RAPGEF4: variants seen among roughly 807,000 people sequenced by gnomAD.
RAPGEF4 encodes Rap guanine nucleotide exchange factor 4.
RAPGEF4 carries 66 observed loss-of-function variants against 147.9 expected under a neutral mutation model. That is an observed-to-expected ratio of 0.45 (90% CI 0.37 to 0.55). RAPGEF4 has a LOEUF of 0.55. Ranked by LOEUF, RAPGEF4 falls within the 20% of genes least tolerant of loss-of-function variation. RAPGEF4 has a pLI of 0.00. For missense variants in RAPGEF4, 1,071 were observed against 1,257.3 expected (o/e 0.85, Z 2.24); for synonymous variants, 419 against 442.7 (o/e 0.95, Z 0.67).
intron 10 of RAPGEF4, among the ~76,000 whole-genome samples, chr2:172,979,249 A>G (rs1331471383): frequency 6.6e-6 from 1 of 152,176 alleles, no homozygotes; most frequent in Non-Finnish European, 1.5e-5. Context: ...GAAGGACAAC[A>G]GAGAATAAGG....
At position 173,051,843 on chromosome 2, in the gene RAPGEF4, C is replaced by T; in HGVS notation, c.*76C>T. 1 of 1,529,270 alleles carries T rather than the reference C, an allele frequency of 6.5e-7. No individual in the cohort carries two copies. The highest frequency in any genetic ancestry group is 9.0e-7 in the Non-Finnish European group (1 of 1,113,654). 94.7% of individuals were successfully genotyped at this position (1,529,270 alleles called of 1,614,324 possible). A position where few individuals can be genotyped will look rare whatever the true frequency, so the allele number is the denominator to read the frequency against. On this transcript the variant is annotated 3_prime_UTR_variant, in exon 31 of 31. Coordinates refer to ENST00000397081, the MANE Select transcript of RAPGEF4 (RefSeq NM_007023.4). ...AAAATGCCATTTATGCTACTACTGA[C>T]TGTATTGCCACTAGAGAATTCTACA...
At chr2:172,917,756 A>C in intron 4 of RAPGEF4, 46 bp from the exon 5 acceptor site, 2 of 1,509,490 alleles carry the variant, frequency 1.3e-6, no homozygotes, top group Non-Finnish European at 1.8e-6. Flanking sequence ...TGAATGCTCA[A>C]AGCAAGTAAA....
chr2:172,821,356 A>G (rs1242628595), intron 4 of RAPGEF4, among the ~76,000 whole-genome samples: 1 of 152,232 alleles, frequency 6.6e-6, no homozygotes, highest in Non-Finnish European at 1.5e-5. Context: ...AGGAGCAACC[A>G]GAGCCTCCAA....
At chr2:172,880,727 A>G (rs1696529283) in intron 4 of RAPGEF4, among the ~76,000 whole-genome samples, 1 of 152,218 alleles carries the variant, frequency 6.6e-6, no homozygotes, top group South Asian at 2.1e-4. Context: ...GTGACTTGAC[A>G]AGTTCTTTAA....
intron 4 of RAPGEF4, 154 bp downstream of exon 4, chr2:172,814,579 G>A: frequency 1.1e-6 from 1 of 878,520 alleles, no homozygotes; most frequent in Non-Finnish European, 1.8e-6. Flanking sequence ...AAATGAGTGA[G>A]TGAAAAAGCC....
At chr2:172,778,526 T>C (rs1189387855) in intron 1 of RAPGEF4, among the ~76,000 whole-genome samples, 1 of 152,190 alleles carries the variant, frequency 6.6e-6, no homozygotes, top group Non-Finnish European at 1.5e-5. Flanking sequence ...CCTGATTATC[T>C]CTGCACAGGA....
At chr2:172,777,638 G>A (rs1574802383) in intron 1 of RAPGEF4, among the ~76,000 whole-genome samples, 1 of 151,988 alleles carries the variant, frequency 6.6e-6, no homozygotes. Context: ...TCTGACTCAC[G>A]TCACTGCACA....
At chr2:172,762,335 A>T (rs10930571) in intron 1 of RAPGEF4, among the ~76,000 whole-genome samples, 15,085 of 152,174 alleles carry the variant, frequency 0.099, 884 homozygotes, top group East Asian at 0.26. Flanking sequence ...TCTTCCTGAG[A>T]TATAGACTGC....
intron 3 of RAPGEF4, among the ~76,000 whole-genome samples, chr2:172,813,844 A>G (rs908215126): frequency 5.0e-4 from 76 of 152,208 alleles, no homozygotes; most frequent in African/African-American, 1.7e-3. Context: ...TGATAAGCAA[A>G]TTGAAGCACA....
chr2:172,847,226 A>C (rs1161024714), intron 4 of RAPGEF4, among the ~76,000 whole-genome samples: 11 of 152,202 alleles, frequency 7.2e-5, no homozygotes, highest in Non-Finnish European at 1.6e-4. Flanking sequence ...AGCAATCTGA[A>C]GTTGTCACTG....
At chr2:172,983,194 A>G (rs1197363515) in intron 10 of RAPGEF4, among the ~76,000 whole-genome samples, 1 of 152,198 alleles carries the variant, frequency 6.6e-6, no homozygotes, top group Non-Finnish European at 1.5e-5. Context: ...TTTTAGCTCA[A>G]TCATCTACAA....
At chr2:172,944,283 G>T (rs1687462452) in intron 6 of RAPGEF4, among the ~76,000 whole-genome samples, 1 of 152,226 alleles carries the variant, frequency 6.6e-6, no homozygotes, top group South Asian at 2.1e-4. Flanking sequence ...CGATAAGACA[G>T]TCATGTATTG....
chr2:172,900,997 C>A (rs1699005814), intron 4 of RAPGEF4, among the ~76,000 whole-genome samples: 1 of 151,734 alleles, frequency 6.6e-6, no homozygotes, highest in African/African-American at 2.4e-5. Context: ...GAGCTTTTGC[C>A]AAGTTTACAG....
intron 1 of RAPGEF4, among the ~76,000 whole-genome samples, chr2:172,743,443 G>T (rs1282524884): frequency 6.6e-6 from 1 of 152,092 alleles, no homozygotes; most frequent in Non-Finnish European, 1.5e-5. Flanking sequence ...CTTTCTTGGC[G>T]CAACTATCTG....
intron 10 of RAPGEF4, among the ~76,000 whole-genome samples, chr2:172,969,433 G>A (rs2105526895): frequency 6.6e-6 from 1 of 152,332 alleles, no homozygotes; most frequent in Admixed American, 6.5e-5. Context: ...GTGGAGGAGG[G>A]TTTAACCTGG....
rs917554875 is a variant in RAPGEF4 at position 172,900,741 on chromosome 2, C to T, written c.445-17061C>T. Among the ~76,000 whole-genome samples the T allele has an allele frequency of 9.9e-5, 15 of 152,160 alleles. No homozygotes were observed. The South Asian group carries it at 1.7e-3, about 17-fold the overall frequency. ...CCCCAAATACTTGAGCACATGTTTC[C>T]TTAGAGCAAGGACATTTTCTTATAT... On this transcript the variant is annotated intron_variant, in intron 4 of 30. Coordinates refer to ENST00000397081, the MANE Select transcript of RAPGEF4 (RefSeq NM_007023.4).
intron 5 of RAPGEF4, among the ~76,000 whole-genome samples, chr2:172,920,679 C>T (rs1684651687): frequency 6.6e-6 from 1 of 152,128 alleles, no homozygotes; most frequent in Non-Finnish European, 1.5e-5. Flanking sequence ...TCTACAGATA[C>T]CCTAATTTCC....
At chr2:172,984,705 G>A (rs1399428880) in intron 11 of RAPGEF4, among the ~76,000 whole-genome samples, 1 of 152,164 alleles carries the variant, frequency 6.6e-6, no homozygotes, top group African/African-American at 2.4e-5. Context: ...AGCTAGTGAT[G>A]TAGAGGGAAG....
At position 172,735,889 on chromosome 2, in the gene RAPGEF4, G is replaced by C. The variant is rs1241813889; in HGVS notation, c.-95G>C. On this transcript the variant is annotated 5_prime_UTR_variant, in exon 1 of 31. Coordinates refer to ENST00000397081, the MANE Select transcript of RAPGEF4 (RefSeq NM_007023.4). ...TGGTCGCCAGGCGTCCGGGAGGAGC[G>C]GGGTCCGCGCGGCGGACGAGGCGGG... is the stretch of plus-strand genomic sequence containing the variant. The C allele has an allele frequency of 1.8e-6, 2 of 1,089,426 alleles. 1 individual carries two copies. Among genetic ancestry groups the C allele is most frequent in the Middle Eastern group, 7.1e-4 (2 of 2,830 alleles). The allele number at this position is 1,089,426 out of a possible 1,614,324, so 67.5% of individuals were successfully genotyped here.
Sources: gnomAD v4.1 joint callset for allele counts (sites outside exome capture counted in the v4.1 genomes callset) on GRCh38, gnomAD v4.1.1 for gene constraint, MANE v1.5 for transcripts, NCBI Gene and HGNC (gene_info 2026-07-23, HGNC 2026-07-21) for gene names.